Variants in MGAM observed in about 807,000 individuals in gnomAD.
The protein encoded by MGAM is alpha-1,4-glucosidase.
In MGAM, 253 loss-of-function variants were observed where a neutral mutation model predicts 358.8. The ratio of observed to expected loss-of-function variants is 0.71; its 90% CI spans 0.64 to 0.78. MGAM has a LOEUF of 0.78. MGAM is among the 30% of genes least tolerant of loss of function. The probability of loss-of-function intolerance (pLI) is 0.00; values close to 1 mark genes in which losing one functional copy is unlikely to be tolerated. For synonymous variants in MGAM, 1,105 were observed against 1,227.1 expected, an observed-to-expected ratio of 0.90 and a Z score of 2.08; for missense variants, 3,080 against 3,432.6, an observed-to-expected ratio of 0.90 and a Z score of 2.57.
Position 142,078,359 on chromosome 7 carries a change from A to T in MGAM, c.5535A>T (p.Ala1845=), listed in dbSNP as rs775116561. Reference sequence around the variant, plus strand: ...ACATCAATCTTTTCCTGGGAGAAGCATACACAGTGGAGTGGAGCATAAAGA... The same window carrying T: ...ACATCAATCTTTTCCTGGGAGAAGCTTACACAGTGGAGTGGAGCATAAAGA... The part of the protein sequence containing the change: ...ITDINLFLGE[A]YTVEWSIKIR... Residue 1845 remains alanine (A), a synonymous_variant, in exon 48 of 71, where the codon GCA becomes GCT. Transcript: ENST00000475668. 1 of 1,510,198 alleles carries T rather than the reference A, an allele frequency of 6.6e-7. No individual in the cohort carries two copies. The highest frequency in any genetic ancestry group is 1.7e-4 in the Middle Eastern group (1 of 5,888). 93.5% of individuals were successfully genotyped at this position (1,510,198 alleles called of 1,614,324 possible).
At chr7:141,987,596 G>A (rs1190046298) in intron 2 of MGAM, among the ~76,000 whole-genome samples, 2 of 152,010 alleles carry the variant, frequency 1.3e-5, no homozygotes, top group Non-Finnish European at 2.9e-5. Context: ...GAGGCACAGG[G>A]GAGGGGGGCA....
intron 1 of MGAM, among the ~76,000 whole-genome samples, chr7:142,002,464 A>G (rs1554450941): frequency 6.6e-6 from 1 of 152,190 alleles, no homozygotes; most frequent in African/African-American, 2.4e-5. Flanking sequence ...AGAATTAAAA[A>G]CAAAACCCAT....
chr7:142,010,144 T>C (rs1805491131), intron 3 of MGAM, among the ~76,000 whole-genome samples: 1 of 152,180 alleles, frequency 6.6e-6, no homozygotes, highest in Non-Finnish European at 1.5e-5. Context: ...GAGGAAGTAC[T>C]GTATCAAGCC....
rs778069265 is a variant in MGAM, at chr7:142,050,880, G to A, written c.2805+16G>A. 2 of 1,613,266 alleles carry A rather than the reference G, an allele frequency of 1.2e-6. No individual in the cohort carries two copies. Among genetic ancestry groups the A allele is most frequent in the Admixed American group, 1.7e-5 (1 of 59,974 alleles). On this transcript the variant is annotated intron_variant, in intron 24 of 70. Transcript: ENST00000475668. ...TAACCTGAAGGTAAAAACCCATTTT[G>A]TTGAGATGGTACATTGAGAATTCTC...
chr7:142,105,444 C>A (rs893771356), intron 70 of MGAM, among the ~76,000 whole-genome samples: 1 of 152,094 alleles, frequency 6.6e-6, no homozygotes, highest in Non-Finnish European at 1.5e-5. Flanking sequence ...CCTGCCACCA[C>A]GCCTGGCTAA....
chr7:142,015,174 A>T (rs1554455637), intron 3 of MGAM, among the ~76,000 whole-genome samples: 1 of 151,936 alleles, frequency 6.6e-6, no homozygotes, highest in African/African-American at 2.4e-5. Context: ...TCTCTCATTT[A>T]GTTCTTTTCT....
chr7:141,987,734 G>C (rs148825156), intron 2 of MGAM, among the ~76,000 whole-genome samples: 1 of 152,124 alleles, frequency 6.6e-6, no homozygotes, highest in Non-Finnish European at 1.5e-5. Flanking sequence ...AGACTTGGTG[G>C]CAAATCCACT....
At chr7:142,096,659 A>G (rs1488020495) in intron 65 of MGAM, among the ~76,000 whole-genome samples, 2 of 152,208 alleles carry the variant, frequency 1.3e-5, no homozygotes, top group Non-Finnish European at 1.5e-5. Context: ...ACCTCATGGT[A>G]TATTCAATGA....
Position 142,077,986 on chromosome 7 carries a change from A to G in MGAM, c.5494-332A>G, listed in dbSNP as rs1284979855. Among the ~76,000 whole-genome samples the G allele has an allele frequency of 2.8e-5, 4 of 145,304 alleles. 1 individual carries two copies. The highest frequency in any genetic ancestry group is 4.1e-4 in the East Asian group (2 of 4,918). Reference sequence around the variant, plus strand: ...TCATGCTAAAGAGGAAGTGCAGAAGACACCCTTCCAGACAAGACACAGAGG... The same window carrying G: ...TCATGCTAAAGAGGAAGTGCAGAAGGCACCCTTCCAGACAAGACACAGAGG... On this transcript the variant is annotated intron_variant, in intron 47 of 70. Coordinates refer to ENST00000475668, the MANE Select transcript of MGAM (RefSeq NM_001365693.1).
In MGAM at chr7:142,091,202, G is replaced by A. The variant is rs1280479855; in HGVS notation, c.6811-711G>A. ...GCAGAGGTTTCAGTGAGCCGAGGTAGCACCACTGCACTCTAGCCTGGGTGG... is the reference window on the plus strand; with the variant it reads ...GCAGAGGTTTCAGTGAGCCGAGGTAACACCACTGCACTCTAGCCTGGGTGG... On this transcript the variant is annotated intron_variant, in intron 57 of 70. Coordinates refer to ENST00000475668, the MANE Select transcript of MGAM (RefSeq NM_001365693.1). 1.4e-5 allele frequency among the ~76,000 whole-genome samples: 2 copies of A among 140,418 alleles called. 1 individual carries two copies. Among genetic ancestry groups the A allele is most frequent in the Non-Finnish European group, 3.2e-5 (2 of 62,952 alleles). The allele number at this position is 140,418 out of a possible 152,430, so 92.1% of individuals were successfully genotyped here. A position where few individuals can be genotyped will look rare whatever the true frequency, so the allele number is the denominator to read the frequency against.
chr7:142,105,490 GT>G (rs1162810484), intron 70 of MGAM, among the ~76,000 whole-genome samples: 1 of 152,148 alleles, frequency 6.6e-6, no homozygotes, highest in East Asian at 1.9e-4. Flanking sequence ...GTTTCACCAT[GT>G]TGGCCAGGCT....
chr7:142,045,191 T>TA (rs1809953865), intron 21 of MGAM, among the ~76,000 whole-genome samples: 1 of 74,566 alleles, frequency 1.3e-5, no homozygotes, highest in Non-Finnish European at 2.6e-5. Context: ...ATATATGATA[T>TA]ATAATATATA....
In MGAM at chr7:142,065,832, G is replaced by A. The variant is rs1563188084; in HGVS notation, c.4770+1G>A. ...AAACCACAATACCATTGGGACCAGGGTAGGACAGTGGCTTCTACCTCCACT... is the reference window on the plus strand; with the variant it reads ...AAACCACAATACCATTGGGACCAGGATAGGACAGTGGCTTCTACCTCCACT... On this transcript the variant is annotated splice_donor_variant, in intron 40 of 70. Transcript: ENST00000475668. LOFTEE classifies it high-confidence loss of function. The A allele has an allele frequency of 2.6e-6, 4 of 1,545,186 alleles. 1 individual carries two copies. The highest frequency in any genetic ancestry group is 3.6e-6 in the Non-Finnish European group (4 of 1,123,342).
At chr7:142,029,459 G>A (rs1554462420) in intron 10 of MGAM, among the ~76,000 whole-genome samples, 1 of 152,074 alleles carries the variant, frequency 6.6e-6, no homozygotes, top group Non-Finnish European at 1.5e-5. Flanking sequence ...CATCATAGAG[G>A]TCATCTCTTT....
intron 28 of MGAM, 97 bp from the exon 29 acceptor site, chr7:142,055,903 A>G: frequency 3.4e-6 from 5 of 1,453,956 alleles, no homozygotes; most frequent in Non-Finnish European, 4.7e-6. Context: ...TTTCATGGAG[A>G]AAACTAGAGC....
chr7:142,099,860 T>A (rs1239106650), intron 67 of MGAM, 123 bp downstream of exon 67: 3 of 1,397,788 alleles, frequency 2.1e-6, no homozygotes, highest in Non-Finnish European at 2.9e-6. Flanking sequence ...ACTTGTTTTT[T>A]CTTTGTTTGC....
At chr7:142,098,728 C>T (rs1389613066) in intron 66 of MGAM, among the ~76,000 whole-genome samples, 1 of 152,178 alleles carries the variant, frequency 6.6e-6, no homozygotes, top group African/African-American at 2.4e-5. Flanking sequence ...GTGAGACTGG[C>T]CTTTGTCCTG....
In MGAM at chr7:142,080,808, C is replaced by A. The variant is rs748656628; in HGVS notation, c.5865C>A (p.Asn1955Lys). ...TGGCCTAGATTTATGATCCCAACAACAATCGGTATGAAGTTCCAGTCCCTC... is the reference window on the plus strand; with the variant it reads ...TGGCCTAGATTTATGATCCCAACAAAAATCGGTATGAAGTTCCAGTCCCTC... The part of the protein sequence containing the change: ...MLQFKIYDPN[N>K]NRYEVPVPLN... The change falls in exon 50 of 71, where the codon AAC becomes AAA. Residue 1955 changes from asparagine (N) to lysine (K), a missense_variant. By Grantham distance (94) the Asn-to-Lys change is moderately conservative. This residue lies in a region of MGAM where 932 missense variants were observed against 1,198.2 expected (regional missense o/e 0.78). Coordinates refer to ENST00000475668, the MANE Select transcript of MGAM (RefSeq NM_001365693.1). 1 of 1,555,192 alleles carries A rather than the reference C, an allele frequency of 6.4e-7. No homozygotes were observed. Among genetic ancestry groups the A allele is most frequent in the Non-Finnish European group, 8.8e-7 (1 of 1,131,852 alleles).
At chr7:142,042,015 A>T (rs1266474154) in intron 21 of MGAM, among the ~76,000 whole-genome samples, 742 of 24,314 alleles carry the variant, frequency 0.031, 21 homozygotes, top group Middle Eastern at 0.1. Flanking sequence ...ATATAATATA[A>T]TATATATATA....
Sources: gnomAD v4.1 joint callset for allele counts (sites outside exome capture counted in the v4.1 genomes callset) on GRCh38, gnomAD v4.1.1 for gene constraint, gnomAD v4.1.1 regional missense constraint, MANE v1.5 for transcripts, NCBI Gene and HGNC (gene_info 2026-07-23, HGNC 2026-07-21) for gene names.